Variants in ATP2B1 observed in about 807,000 individuals in gnomAD.
ATP2B1 encodes plasma membrane calcium-transporting ATPase 1.
In ATP2B1, 14 loss-of-function variants were observed where a neutral mutation model predicts 124.2. The observed-to-expected ratio is 0.11, with a 90% CI of 0.07 to 0.18. The LOEUF is 0.18. Among genes scored for constraint, ATP2B1 ranks in the 10% least tolerant of loss-of-function variants. The pLI, the probability that ATP2B1 is intolerant of heterozygous loss-of-function variation, is 1.00. For synonymous variants in ATP2B1, 449 were observed against 492.4 expected (o/e 0.91, Z 1.17); for missense variants, 763 against 1,466.1 (o/e 0.52, Z 7.83).
At chr12:89,613,432 G>A (rs1458757912) in intron 12 of ATP2B1, among the ~76,000 whole-genome samples, 1 of 152,086 alleles carries the variant, frequency 6.6e-6, no homozygotes, top group East Asian at 1.9e-4. Context: ...GGGACATCAC[G>A]TGCATTTACT....
Position 89,620,250 on chromosome 12 carries a change from A to C in ATP2B1, c.1588-10T>G. 2 of 1,612,388 alleles carry C rather than the reference A, an allele frequency of 1.2e-6. No individual in the cohort carries two copies. Among genetic ancestry groups the C allele is most frequent in the Non-Finnish European group, 1.7e-6 (2 of 1,178,704 alleles). On this transcript the variant is annotated splice_polypyrimidine_tract_variant and intron_variant, in intron 10 of 20. Coordinates refer to ENST00000428670, the MANE Select transcript of ATP2B1 (RefSeq NM_001366521.1). ...CCTCTTTCTCTGGTGGCTATAAGAGAAAAACATTTAGTAGCTAGTATCTCG... is the reference window on the plus strand; with the variant it reads ...CCTCTTTCTCTGGTGGCTATAAGAGCAAAACATTTAGTAGCTAGTATCTCG...
At chr12:89,606,368 G>C (rs1354666856) in intron 15 of ATP2B1, among the ~76,000 whole-genome samples, 1 of 152,124 alleles carries the variant, frequency 6.6e-6, no homozygotes, top group Non-Finnish European at 1.5e-5. Flanking sequence ...AGTTTCCTTT[G>C]GGAGCCAAAA....
At chr12:89,608,912 A>C (rs1877475688) in intron 15 of ATP2B1, among the ~76,000 whole-genome samples, 1 of 152,004 alleles carries the variant, frequency 6.6e-6, no homozygotes, top group African/African-American at 2.4e-5. Flanking sequence ...AACCATTTAA[A>C]TTTGGGATGG....
chr12:89,642,390 T>C (rs768604442), intron 2 of ATP2B1, 35 bp from the exon 3 acceptor site: 4 of 1,546,996 alleles, frequency 2.6e-6, no homozygotes, highest in Non-Finnish European at 3.5e-6. Flanking sequence ...TGAACAGTTT[T>C]ACTTCTTACA....
At chr12:89,677,923 T>G (rs1293067692) in intron 1 of ATP2B1, among the ~76,000 whole-genome samples, 1 of 144,506 alleles carries the variant, frequency 6.9e-6, no homozygotes, top group Non-Finnish European at 1.5e-5. Flanking sequence ...ATCCTGCCTT[T>G]GGATTTCAGG....
intron 12 of ATP2B1, among the ~76,000 whole-genome samples, chr12:89,613,829 A>G (rs1257524203): frequency 1.3e-5 from 2 of 152,246 alleles, no homozygotes; most frequent in Admixed American, 6.5e-5. Flanking sequence ...CTACTTTTAC[A>G]TATAAGAAAC....
intron 3 of ATP2B1, among the ~76,000 whole-genome samples, chr12:89,641,216 T>A (rs900431803): frequency 2.0e-5 from 3 of 152,122 alleles, no homozygotes; most frequent in Middle Eastern, 6.3e-3. Flanking sequence ...ACAAATTTTT[T>A]AAAAGGCAGA....
chr12:89,626,685 A>C (rs1489810682), intron 7 of ATP2B1, 70 bp from the exon 8 acceptor site: 5 of 1,481,390 alleles, frequency 3.4e-6, no homozygotes, highest in Non-Finnish European at 1.8e-6. Flanking sequence ...TTTTAAAGAA[A>C]TTTTAAAAAT....
At chr12:89,706,062 G>A (rs755657943) in intron 1 of ATP2B1, among the ~76,000 whole-genome samples, 2 of 152,144 alleles carry the variant, frequency 1.3e-5, no homozygotes, top group Non-Finnish European at 2.9e-5. Context: ...TTATACTTAT[G>A]ATTTGGGAAG....
chr12:89,703,510 C>T (rs1185154563), intron 1 of ATP2B1, among the ~76,000 whole-genome samples: 2 of 152,134 alleles, frequency 1.3e-5, no homozygotes, highest in African/African-American at 4.8e-5. Flanking sequence ...GAAGGAATAT[C>T]CGATCTTTTC....
At chr12:89,609,797 T>G in intron 15 of ATP2B1, 140 bp downstream of exon 15, 1 of 678,732 alleles carries the variant, frequency 1.5e-6, no homozygotes, top group East Asian at 2.8e-5. Flanking sequence ...ATAAACCAAT[T>G]TAAGCTTATT....
At chr12:89,623,280 CTTTG>C (rs950341880) in intron 9 of ATP2B1, among the ~76,000 whole-genome samples, 6 of 148,726 alleles carry the variant, frequency 4.0e-5, no homozygotes, top group Non-Finnish European at 5.9e-5. Context: ...AAGCAGCATT[CTTTG>C]TTTGGTTATA....
In ATP2B1 at chr12:89,603,135, C is replaced by T; in HGVS notation, c.2968G>A (p.Ala990Thr). 1 of 1,613,852 alleles carries T rather than the reference C, an allele frequency of 6.2e-7. No homozygotes were observed. The highest frequency in any genetic ancestry group is 8.5e-7 in the Non-Finnish European group (1 of 1,179,890). Residue 990 changes from alanine (A) to threonine (T), a missense_variant, in exon 18 of 21, where the codon GCC becomes ACC. Coordinates refer to ENST00000428670, the MANE Select transcript of ATP2B1 (RefSeq NM_001366521.1). The surrounding 1 kb of genome is among the most constrained non-coding windows in gnomAD (Gnocchi z 4.3). The part of the protein sequence containing the change: ...VLMQLFNEIN[A>T]RKIHGERNVF... Reference sequence around the variant, plus strand: ...TTTCTTTCACCATGAATTTTCCGGGCATTTATTTCGTTGAAAAGTTGCATC... The same window carrying T: ...TTTCTTTCACCATGAATTTTCCGGGTATTTATTTCGTTGAAAAGTTGCATC...
chr12:89,635,408 CTA>C (rs529942568), intron 3 of ATP2B1, among the ~76,000 whole-genome samples, 157 bp from the exon 4 acceptor site: 43 of 152,296 alleles, frequency 2.8e-4, no homozygotes, highest in East Asian at 5.8e-4. Context: ...CATAAGAACT[CTA>C]TGTCACTTTC....
At chr12:89,649,725 T>A (rs1391784436) in intron 2 of ATP2B1, among the ~76,000 whole-genome samples, 1 of 152,100 alleles carries the variant, frequency 6.6e-6, no homozygotes, top group Non-Finnish European at 1.5e-5. Flanking sequence ...ATAATATGGT[T>A]TGGATGTCTG....
rs376982884 is a variant in ATP2B1 at position 89,604,375 on chromosome 12, T to C, written c.2443-29A>G. 5 of 1,534,032 alleles carry C rather than the reference T, an allele frequency of 3.3e-6. No individual in the cohort carries two copies. In the African/African-American group the frequency reaches 5.6e-5, roughly 17 times the overall value. ...TTAAAAAAAATTTTGTGAATTAGAC[T>C]AAATGTTTTAAGTATAACTTTCAAA... On this transcript the variant is annotated intron_variant, in intron 15 of 20. Transcript: ENST00000428670.
rs1877725368 is a variant in ATP2B1, at chr12:89,610,172, T to A, written c.2336-129A>T. 19 of 926,566 alleles carry A rather than the reference T, an allele frequency of 2.1e-5. No individual in the cohort carries two copies. In the East Asian group the frequency reaches 5.0e-4, roughly 25 times the overall value. 57.4% of individuals were successfully genotyped at this position (926,566 alleles called of 1,614,324 possible). ...AATAAACAAATATAAAAATGGAAAT[T>A]GCTTAGATGTTGGGTGAGAACCTAC... is the stretch of plus-strand genomic sequence containing the variant. On this transcript the variant is annotated intron_variant, in intron 14 of 20. Transcript: ENST00000428670.
intron 1 of ATP2B1, among the ~76,000 whole-genome samples, chr12:89,678,693 G>A (rs963652845): frequency 2.0e-5 from 3 of 152,106 alleles, no homozygotes; most frequent in African/African-American, 7.2e-5. Flanking sequence ...AGAAGCAATT[G>A]AACCTGTATA....
At position 89,620,011 on chromosome 12, in the gene ATP2B1, A is replaced by T; in HGVS notation, c.1817T>A (p.Ile606Lys). ...YRIFSKGASE[I>K]ILKKCFKILS... Reference sequence around the variant, plus strand: ...ATTTTACTCTTACTTTTTCAGAATTATCTCAGATGCACCCTTGCTGAATAT... The same window carrying T: ...ATTTTACTCTTACTTTTTCAGAATTTTCTCAGATGCACCCTTGCTGAATAT... The change falls in exon 11 of 21, where the codon ATA becomes AAA. Residue 606 changes from isoleucine (I) to lysine (K), a missense_variant. Coordinates refer to ENST00000428670, the MANE Select transcript of ATP2B1 (RefSeq NM_001366521.1). 1 of 1,613,888 alleles carries T rather than the reference A, an allele frequency of 6.2e-7. No homozygotes were observed. The highest frequency in any genetic ancestry group is 8.5e-7 in the Non-Finnish European group (1 of 1,179,836).
Sources: allele counts gnomAD v4.1 joint callset (sites outside exome capture counted in the v4.1 genomes callset), GRCh38; gene constraint gnomAD v4.1.1; non-coding constraint Gnocchi (gnomAD v3.1); transcripts MANE v1.5; gene names NCBI Gene and HGNC (gene_info 2026-07-23, HGNC 2026-07-21).